The following KRT73 variants were observed in gnomAD, a reference collection of about 807,000 sequenced individuals.
The protein encoded by KRT73 is keratin 73.
In KRT73, 44 loss-of-function variants were observed where a neutral mutation model predicts 47.2. The observed-to-expected ratio is 0.93, with a 90% CI of 0.73 to 1.20. KRT73 has a LOEUF of 1.20. KRT73 is among the 50% of genes most tolerant of loss of function. The probability of loss-of-function intolerance (pLI) is 0.00; values close to 1 mark genes in which losing one functional copy is unlikely to be tolerated. For synonymous variants in KRT73, 285 were observed against 291.3 expected (o/e 0.98, Z 0.22); for missense variants, 713 against 704.5 (o/e 1.01, Z -0.14).
In KRT73 at chr12:52,616,270, G is replaced by A. The variant is rs1175980628; in HGVS notation, c.558C>T (p.Tyr186=). 2.5e-6 allele frequency: 4 copies of A among 1,614,172 alleles called. No individual in the cohort carries two copies. The highest frequency in any genetic ancestry group is 2.2e-5 in the South Asian group (2 of 91,062). Reference sequence around the variant, plus strand: ...CCAGCTGCTTCCGCAGGTTGCTGATGTAGCCCTCAAGGATGGGCTCCAGGT... The same window carrying A: ...CCAGCTGCTTCCGCAGGTTGCTGATATAGCCCTCAAGGATGGGCTCCAGGT... ...KNNLEPILEG[Y]ISNLRKQLET... Residue 186 remains tyrosine, a synonymous_variant, in exon 2 of 9, where the codon TAC becomes TAT. Transcript: ENST00000305748.
the KRT73 span, among the ~76,000 whole-genome samples, chr12:52,624,796 A>G: frequency 4.3e-5 from 6 of 139,070 alleles, no homozygotes; most frequent in Admixed American, 2.9e-4. Context: ...AACAGAAACA[A>G]AAAGCACAAG....
At chr12:52,611,415 G>A in intron 5 of KRT73, 86 bp from the exon 6 acceptor site, 3 of 1,547,764 alleles carry the variant, frequency 1.9e-6, no homozygotes. Flanking sequence ...TGCACTTGCA[G>A]AGCCTGGCAG....
At chr12:52,615,991 G>A (rs7304927) in intron 2 of KRT73, among the ~76,000 whole-genome samples, 175 bp downstream of exon 2, 2,127 of 152,246 alleles carry the variant, frequency 0.014, 38 homozygotes, top group African/African-American at 0.048. Flanking sequence ...CAGCCCTGAC[G>A]CTGCCCAAGA....
chr12:52,618,080 T>C lies in KRT73; in HGVS notation c.445A>G (p.Lys149Glu). The C allele has an allele frequency of 3.1e-6, 5 of 1,613,472 alleles. No homozygotes were observed. Among genetic ancestry groups the C allele is most frequent in the Non-Finnish European group, 3.4e-6 (4 of 1,179,774 alleles). Residue 149 changes from lysine (K) to glutamate (E), a missense_variant and splice_region_variant, in exon 1 of 9, where the codon AAG becomes GAG. Physicochemically the swap from Lys to Glu is moderately conservative, Grantham distance 56. Transcript: ENST00000305748. ...LNNKFASFID[K>E]VRFLEQQNQV... is the part of the protein sequence containing the mutation. ...CAGCTTTCTCCAGAAAGACCCACCT[T>C]GTCAATGAAGGAGGCGAACTTGTTG... is the stretch of plus-strand genomic sequence containing the variant.
Position 52,618,553 on chromosome 12 carries a change from A to G in KRT73, c.-29T>C. 6.4e-7 allele frequency: 1 copy of G among 1,567,640 alleles called. No homozygotes were observed. The highest frequency in any genetic ancestry group is 8.6e-7 in the Non-Finnish European group (1 of 1,157,762). ...GGGGAGGCCAGAAAGTGGGGATAAGATGCTGACCCTTAGCTGAGATGCAGT... is the reference window on the plus strand; with the variant it reads ...GGGGAGGCCAGAAAGTGGGGATAAGGTGCTGACCCTTAGCTGAGATGCAGT... On this transcript the variant is annotated 5_prime_UTR_variant, in exon 1 of 9. Transcript: ENST00000305748.
At chr12:52,624,316 A>G in the KRT73 span, among the ~76,000 whole-genome samples, 1 of 152,136 alleles carries the variant, frequency 6.6e-6, no homozygotes, top group African/African-American at 2.4e-5. Flanking sequence ...ATTATAGTTA[A>G]GGACTCCAAT....
At position 52,608,142 on chromosome 12, in the gene KRT73, G is replaced by A. The variant is rs143552226; in HGVS notation, c.*54C>T. 2.1e-4 allele frequency: 329 copies of A among 1,552,342 alleles called. 1 individual carries two copies. The East Asian group carries it at 6.8e-3, about 32-fold the overall frequency. On this transcript the variant is annotated 3_prime_UTR_variant, in exon 9 of 9. Coordinates refer to ENST00000305748, the MANE Select transcript of KRT73 (RefSeq NM_175068.3). ...ACAGAGGAATTTCCTAGAAGAGTCCGGAGCAGTCTGCCAGGGCAAGGCAGA... is the reference window on the plus strand; with the variant it reads ...ACAGAGGAATTTCCTAGAAGAGTCCAGAGCAGTCTGCCAGGGCAAGGCAGA...
At position 52,616,335 on chromosome 12, in the gene KRT73, C is replaced by G; in HGVS notation, c.493G>C (p.Glu165Gln). ...TTCAGGTCCAGCTGCTGTAGCAGCT[C>G]CCACTTGGTCTCCAGCACCTGGTTC... is the stretch of plus-strand genomic sequence containing the variant. ...QQNQVLETKW[E>Q]LLQQLDLNNC... The change falls in exon 2 of 9, where the codon GAG (glutamate) becomes CAG (glutamine). Residue 165 changes from glutamate to glutamine, a missense_variant. Glu to Gln is a conservative substitution (Grantham distance 29). Transcript: ENST00000305748. 6.2e-7 allele frequency: 1 copy of G among 1,614,188 alleles called. No homozygotes were observed. Among genetic ancestry groups the G allele is most frequent in the Non-Finnish European group, 8.5e-7 (1 of 1,180,042 alleles).
At chr12:52,613,375 C>G (rs1011583857) in intron 5 of KRT73, 1 of 249,618 alleles carries the variant, frequency 4.0e-6, no homozygotes, top group Non-Finnish European at 7.7e-6. Flanking sequence ...CTTCTCCCCT[C>G]CAGACAGAAC....
upstream of KRT73, among the ~76,000 whole-genome samples, chr12:52,622,709 C>A (rs1456724641): frequency 3.3e-5 from 5 of 152,220 alleles, no homozygotes; most frequent in Non-Finnish European, 7.3e-5. Flanking sequence ...CCTCTTTCCA[C>A]ACGAGGGCGA....
intron 3 of KRT73, 57 bp downstream of exon 3, chr12:52,615,222 C>T (rs190192374): frequency 2.7e-6 from 4 of 1,476,844 alleles, no homozygotes; most frequent in Non-Finnish European, 3.8e-6. Context: ...CTGCTCCTCT[C>T]TCTTAGCCCA....
the KRT73 span, among the ~76,000 whole-genome samples, chr12:52,624,824 A>C: frequency 1.3e-5 from 2 of 152,094 alleles, no homozygotes; most frequent in Non-Finnish European, 1.5e-5. Flanking sequence ...AAAACAAAAA[A>C]AAAAAATAGA....
upstream of KRT73, among the ~76,000 whole-genome samples, chr12:52,620,079 T>C (rs1254640442): frequency 6.6e-6 from 1 of 151,874 alleles, no homozygotes; most frequent in Non-Finnish European, 1.5e-5. Context: ...TAATCTTTTT[T>C]AGCTAACATG....
At chr12:52,622,894 G>T (rs556751834), upstream of KRT73, among the ~76,000 whole-genome samples, 77 of 152,308 alleles carry the variant, frequency 5.1e-4, no homozygotes, top group African/African-American at 1.7e-3. Flanking sequence ...CAGTGAACTG[G>T]AAGAGAGGAC....
chr12:52,614,615 A>G lies in KRT73; in HGVS notation c.783T>C (p.Asp261=). 1.2e-6 allele frequency: 2 copies of G among 1,613,928 alleles called. No individual in the cohort carries two copies. Among genetic ancestry groups the G allele is most frequent in the South Asian group, 2.2e-5 (2 of 91,046 alleles). The part of the protein sequence containing the change: ...VELQAKVDAL[D]GEIKFFKCLY... ...GACACTTGAAGAACTTGATTTCTCC[A>G]TCCAGGGCATCCACCTTGGCCTGCA... Residue 261 remains aspartate (D), a synonymous_variant, in exon 4 of 9, where the codon GAT becomes GAC. Transcript: ENST00000305748.
Position 52,611,265 on chromosome 12 carries a change from A to G in KRT73, c.1049T>C (p.Ile350Thr), listed in dbSNP as rs1940695512. ...GDDLKHTKNE[I>T]SELTRLIQRL... ...TTGGATGAGACGGGTCAGCTCTGAG[A>G]TCTCATTTTTGGTGTGTTTCAGGTC... The change falls in exon 6 of 9, where the codon ATC becomes ACC. Residue 350 changes from isoleucine (I) to threonine (T), a missense_variant. Transcript: ENST00000305748. The G allele has an allele frequency of 1.2e-6, 2 of 1,613,884 alleles. No individual in the cohort carries two copies. Among genetic ancestry groups the G allele is most frequent in the Non-Finnish European group, 1.7e-6 (2 of 1,179,978 alleles).
At chr12:52,620,815 G>A (rs1403380471), upstream of KRT73, among the ~76,000 whole-genome samples, 1 of 151,994 alleles carries the variant, frequency 6.6e-6, no homozygotes, top group Non-Finnish European at 1.5e-5. Context: ...CCCACATGTT[G>A]TTTGTTGTCC....
At chr12:52,629,803 G>A in the KRT73 span, among the ~76,000 whole-genome samples, 2 of 152,162 alleles carry the variant, frequency 1.3e-5, no homozygotes, top group Non-Finnish European at 2.9e-5. Flanking sequence ...AATCTCAGCT[G>A]GGAATCGCAT....
intron 7 of KRT73, 48 bp downstream of exon 7, chr12:52,610,567 T>A: frequency 2.8e-6 from 2 of 704,462 alleles, no homozygotes; most frequent in Non-Finnish European, 4.3e-6. Flanking sequence ...TCTGGGAAAC[T>A]TTAAGGTGGA....
Sources: allele counts gnomAD v4.1 joint callset (sites outside exome capture counted in the v4.1 genomes callset), GRCh38; gene constraint gnomAD v4.1.1; transcripts MANE v1.5; gene names NCBI Gene and HGNC (gene_info 2026-07-23, HGNC 2026-07-21).